GLYCTK: variants seen among roughly 807,000 people sequenced by gnomAD.
GLYCTK encodes HBeAg binding protein 4.
In GLYCTK, 22 loss-of-function variants were observed where a neutral mutation model predicts 24.8. The observed-to-expected ratio is 0.89, with a 90% CI of 0.63 to 1.27. GLYCTK has a LOEUF of 1.27. GLYCTK is among the 50% of genes most tolerant of loss of function. The pLI, the probability that GLYCTK is intolerant of heterozygous loss-of-function variation, is 0.00. For missense variants in GLYCTK, 684 were observed against 686.7 expected (o/e 1.00, Z 0.04); for synonymous variants, 320 against 297.2 (o/e 1.08, Z -0.79).
chr3:52,290,992 A>T lies in GLYCTK; in HGVS notation c.410A>T (p.Gln137Leu). The T allele has an allele frequency of 6.2e-7, 1 of 1,614,066 alleles. No homozygotes were observed. The highest frequency in any genetic ancestry group is 8.5e-7 in the Non-Finnish European group (1 of 1,180,010). The part of the protein sequence containing the change: ...EMLLKPHSRV[Q>L]VFEGAEDNLP... ...CTGCTGAAGCCACATAGCCGTGTCC[A>T]GGTATTCGAGGGTGCGGAGGACAAC... Residue 137 changes from glutamine (Q) to leucine (L), a missense_variant, in exon 3 of 5, where the codon CAG (glutamine) becomes CTG (leucine). By Grantham distance (113) the Gln-to-Leu change is moderately radical (BLOSUM62 -2). Coordinates refer to ENST00000436784, the MANE Select transcript of GLYCTK (RefSeq NM_145262.4).
At chr3:52,289,439 G>A (rs1334415234) in intron 1 of GLYCTK, among the ~76,000 whole-genome samples, 1 of 152,220 alleles carries the variant, frequency 6.6e-6, no homozygotes, top group African/African-American at 2.4e-5. Context: ...ACCACTGTGG[G>A]TGGTGTGACC....
At position 52,292,441 on chromosome 3, in the gene GLYCTK, A is replaced by T. The variant is rs780172727; in HGVS notation, c.887A>T (p.His296Leu). The T allele has an allele frequency of 3.7e-6, 6 of 1,613,114 alleles. No homozygotes were observed. Among genetic ancestry groups the T allele is most frequent in the Non-Finnish European group, 4.2e-6 (5 of 1,179,780 alleles). The change falls in exon 5 of 5, where the codon CAT becomes CTT. Residue 296 changes from histidine to leucine, a missense_variant. Transcript: ENST00000436784. The stretch of plus-strand genomic sequence containing the variant: ...CTGTCTCGGGCCGACTCTGACCCCC[A>T]TGGGCCACACACCTGTGGCCATGTC... ...TVLSRADSDP[H>L]GPHTCGHVLN...
chr3:52,292,251 C>G lies in GLYCTK; in HGVS notation c.706-9C>G, dbSNP rs374124131. Reference sequence around the variant, plus strand: ...TGGGCCTGAGCCTTGTCTGGTGGCCCTTCCCCAGGTGGTGAGCCTCATCCT... The same window carrying G: ...TGGGCCTGAGCCTTGTCTGGTGGCCGTTCCCCAGGTGGTGAGCCTCATCCT... On this transcript the variant is annotated splice_polypyrimidine_tract_variant and intron_variant, in intron 4 of 4. Transcript: ENST00000436784. The G allele has an allele frequency of 6.2e-7, 1 of 1,613,794 alleles. No homozygotes were observed. Among genetic ancestry groups the G allele is most frequent in the Middle Eastern group, 1.6e-4 (1 of 6,062 alleles).
chr3:52,291,783 C>T lies in GLYCTK; in HGVS notation c.566C>T (p.Pro189Leu). The change falls in exon 4 of 5, where the codon CCT becomes CTT. Residue 189 changes from proline to leucine, a missense_variant. By Grantham distance (98) the Pro-to-Leu change is moderately conservative (BLOSUM62 -3). Transcript: ENST00000436784. ...GCTCTGCTGCCTGCCCCCATCCCAC[C>T]TGTCACACTGGAGGAGAAGCAGACA... ...GSALLPAPIP[P>L]VTLEEKQTLT... 6.2e-7 allele frequency: 1 copy of T among 1,613,828 alleles called. No homozygotes were observed. The highest frequency in any genetic ancestry group is 8.5e-7 in the Non-Finnish European group (1 of 1,180,014).
chr3:52,292,832 G>A lies in GLYCTK; in HGVS notation c.1278G>A (p.Leu426=). The change falls in exon 5 of 5, where the codon CTG becomes CTA. Residue 426 remains leucine (L), a synonymous_variant. Coordinates refer to ENST00000436784, the MANE Select transcript of GLYCTK (RefSeq NM_145262.4). ...GCAGGGGTGGCCGGAACCAGGAACT[G>A]GCCCTGCGTGTTGGAGCAGAGTTGA... ...GSGRGGRNQE[L]ALRVGAELRR... is the part of the protein sequence containing the mutation. 1.2e-6 allele frequency: 2 copies of A among 1,613,584 alleles called. No individual in the cohort carries two copies. The highest frequency in any genetic ancestry group is 1.7e-6 in the Non-Finnish European group (2 of 1,179,894).
In GLYCTK at chr3:52,291,936, C is replaced by G; in HGVS notation, c.705+14C>G. ...TACCCTGCCCAGGTATGAGTCCCTT[C>G]TTCCCCAGGCAACCTTGGGTTGGTG... On this transcript the variant is annotated intron_variant, in intron 4 of 4. Coordinates refer to ENST00000436784, the MANE Select transcript of GLYCTK (RefSeq NM_145262.4). The G allele has an allele frequency of 6.2e-7, 1 of 1,608,792 alleles. No homozygotes were observed. Among genetic ancestry groups the G allele is most frequent in the Non-Finnish European group, 8.5e-7 (1 of 1,176,850 alleles).
intron 1 of GLYCTK, 136 bp from the exon 2 acceptor site, chr3:52,290,168 T>C: frequency 1.4e-6 from 1 of 708,454 alleles, no homozygotes; most frequent in Non-Finnish European, 2.3e-6. Context: ...TCAGGAAGTC[T>C]CCTGGGGCTA....
chr3:52,294,003 C>G lies in GLYCTK; in HGVS notation c.*877C>G, dbSNP rs768170877. The G allele has an allele frequency of 1.6e-5, 7 of 427,134 alleles. No individual in the cohort carries two copies. The highest frequency in any genetic ancestry group is 5.0e-5 in the South Asian group (3 of 60,330). The allele number at this position is 427,134 out of a possible 1,614,324, so 26.5% of individuals were successfully genotyped here. On this transcript the variant is annotated 3_prime_UTR_variant, in exon 5 of 5. Transcript: ENST00000436784. ...CCAAGTCCAGACCCTGAAGTCAGCC[C>G]TTCAGTGGGGGTCCCAGCACTGGGA...
intron 3 of GLYCTK, chr3:52,291,345 A>C: frequency 1.7e-6 from 1 of 604,770 alleles, no homozygotes; most frequent in South Asian, 1.9e-5. Flanking sequence ...GAGAGGGTGC[A>C]TGGGGAGCAC....
At position 52,295,010 on chromosome 3, in the gene GLYCTK, C is replaced by T. The variant is rs945578174; in HGVS notation, c.*1884C>T. On this transcript the variant is annotated 3_prime_UTR_variant, in exon 5 of 5. Coordinates refer to ENST00000436784, the MANE Select transcript of GLYCTK (RefSeq NM_145262.4). ...GGATAGGATCTTGCAGGAGGTTCCC[C>T]CTGCTCTACATTGACCCCTTCCCTA... The T allele has an allele frequency of 4.4e-6, 2 of 454,022 alleles. No individual in the cohort carries two copies. Among genetic ancestry groups the T allele is most frequent in the South Asian group, 1.6e-5 (1 of 64,470 alleles). 28.1% of individuals were successfully genotyped at this position (454,022 alleles called of 1,614,324 possible). A position where few individuals can be genotyped will look rare whatever the true frequency, so the allele number is the denominator to read the frequency against.
intron 1 of GLYCTK, chr3:52,289,068 A>C (rs1372341174): frequency 6.6e-6 from 1 of 151,134 alleles, no homozygotes; most frequent in East Asian, 2.0e-4. Flanking sequence ...GCGTAGTGTT[A>C]ATCTCACCCC....
rs1316258998 is a variant in GLYCTK, at chr3:52,290,530, C to G, written c.188C>G (p.Pro63Arg). The G allele has an allele frequency of 6.2e-7, 1 of 1,613,504 alleles. No homozygotes were observed. Among genetic ancestry groups the G allele is most frequent in the African/African-American group, 1.3e-5 (1 of 74,940 alleles). ...PMLHRALSLD[P>R]GGRQLKVRDR... ...CTGCACCGGGCACTATCCTTGGACC[C>G]TGGTGGCAGACAGCTGAAGGTGCGG... Residue 63 changes from proline (P) to arginine (R), a missense_variant, in exon 2 of 5, where the codon CCT (proline) becomes CGT (arginine). Pro to Arg is a moderately radical substitution (Grantham distance 103, BLOSUM62 -2). Coordinates refer to ENST00000436784, the MANE Select transcript of GLYCTK (RefSeq NM_145262.4).
rs1216900309 is a variant in GLYCTK, at chr3:52,294,775, G to A, written c.*1649G>A. Reference sequence around the variant, plus strand: ...TATTGGCACTGGGTTCCAAGTTCCAGGCAAAAGCAGGATAGGAGAGCTGGG... The same window carrying A: ...TATTGGCACTGGGTTCCAAGTTCCAAGCAAAAGCAGGATAGGAGAGCTGGG... On this transcript the variant is annotated 3_prime_UTR_variant, in exon 5 of 5. Transcript: ENST00000436784. The A allele has an allele frequency of 2.2e-6, 1 of 452,580 alleles. No individual in the cohort carries two copies. The highest frequency in any genetic ancestry group is 4.4e-6 in the Non-Finnish European group (1 of 225,658). 28.0% of individuals were successfully genotyped at this position (452,580 alleles called of 1,614,324 possible).
Position 52,290,306 on chromosome 3 carries a change from A to C in GLYCTK, c.-37A>C. ...TCAGTTGTGCTTTTTCCCTCTAGGC[A>C]GCCATGGGTGCCAGGCAGTGCTGAG... On this transcript the variant is annotated splice_region_variant and 5_prime_UTR_variant, in exon 2 of 5. Coordinates refer to ENST00000436784, the MANE Select transcript of GLYCTK (RefSeq NM_145262.4). 6.3e-7 allele frequency: 1 copy of C among 1,584,898 alleles called. No homozygotes were observed. The highest frequency in any genetic ancestry group is 8.5e-7 in the Non-Finnish European group (1 of 1,171,178).
chr3:52,292,984 G>A lies in GLYCTK; in HGVS notation c.1430G>A (p.Gly477Asp), dbSNP rs778822139. Residue 477 changes from glycine to aspartate, a missense_variant, in exon 5 of 5, where the codon GGC (glycine) becomes GAC (aspartate). Physicochemically the swap from Gly to Asp is moderately conservative, Grantham distance 94 (BLOSUM62 -1). Coordinates refer to ENST00000436784, the MANE Select transcript of GLYCTK (RefSeq NM_145262.4). ...CTTGCCAGCCAGGCTGCAGCTGAGG[G>A]CCTGGACATAGCCACCTTCCTAGCC... ...PELASQAAAE[G>D]LDIATFLAHN... 6.2e-7 allele frequency: 1 copy of A among 1,614,132 alleles called. No individual in the cohort carries two copies. Among genetic ancestry groups the A allele is most frequent in the South Asian group, 1.1e-5 (1 of 91,084 alleles).
At position 52,294,913 on chromosome 3, in the gene GLYCTK, C is replaced by A; in HGVS notation, c.*1787C>A. ...TGGCGTACTCAGAGTGGGAATGCATCTCTGAGTGTACACATAGATACTTAG... is the reference window on the plus strand; with the variant it reads ...TGGCGTACTCAGAGTGGGAATGCATATCTGAGTGTACACATAGATACTTAG... On this transcript the variant is annotated 3_prime_UTR_variant, in exon 5 of 5. Coordinates refer to ENST00000436784, the MANE Select transcript of GLYCTK (RefSeq NM_145262.4). 1 of 454,072 alleles carries A rather than the reference C, an allele frequency of 2.2e-6. No homozygotes were observed. Among genetic ancestry groups the A allele is most frequent in the Non-Finnish European group, 4.4e-6 (1 of 226,790 alleles). The allele number at this position is 454,072 out of a possible 1,614,324, so 28.1% of individuals were successfully genotyped here. A position where few individuals can be genotyped will look rare whatever the true frequency, so the allele number is the denominator to read the frequency against.
chr3:52,290,587 A>C lies in GLYCTK; in HGVS notation c.245A>C (p.Tyr82Ser), dbSNP rs569316990. The change falls in exon 2 of 5, where the codon TAC (tyrosine) becomes TCC (serine). Residue 82 changes from tyrosine (Y) to serine (S), a missense_variant. Coordinates refer to ENST00000436784, the MANE Select transcript of GLYCTK (RefSeq NM_145262.4). ...AACTTTCAGCTGAGGCAAAACCTCT[A>C]CCTGGTGGGCTTTGGCAAGGCTGTG... is the stretch of plus-strand genomic sequence containing the variant. The part of the protein sequence containing the change: ...DRNFQLRQNL[Y>S]LVGFGKAVLG... 1.9e-5 allele frequency: 31 copies of C among 1,613,834 alleles called. No individual in the cohort carries two copies. The South Asian group carries it at 3.4e-4, about 18-fold the overall frequency.
At chr3:52,288,051 C>CT (rs1164246625) in intron 1 of GLYCTK, 175 bp downstream of exon 1, 1 of 247,920 alleles carries the variant, frequency 4.0e-6, no homozygotes, top group Non-Finnish European at 8.7e-6. Context: ...CCCCTACTGT[C>CT]TAGGGAAAGC....
At chr3:52,292,196 G>C (rs1559465758) in intron 4 of GLYCTK, 64 bp from the exon 5 acceptor site, 6 of 1,604,606 alleles carry the variant, frequency 3.7e-6, no homozygotes, top group Non-Finnish European at 4.3e-6. Flanking sequence ...GGGGCAGTTT[G>C]TCCTTATGGG....
Sources: allele counts gnomAD v4.1 joint callset (sites outside exome capture counted in the v4.1 genomes callset), GRCh38; gene constraint gnomAD v4.1.1; transcripts MANE v1.5; gene names NCBI Gene and HGNC (gene_info 2026-07-23, HGNC 2026-07-21).